GALNT13: variants seen among roughly 807,000 people sequenced by gnomAD.
The protein encoded by GALNT13 is polypeptide N-acetylgalactosaminyltransferase 13.
A neutral mutation model predicts 64.2 loss-of-function variants in GALNT13; 28 were observed. The observed-to-expected ratio is 0.44, with a 90% confidence interval of 0.32 to 0.60. The LOEUF (loss-of-function observed/expected upper bound fraction) is 0.60, where lower values mean the gene tolerates loss of function less well. GALNT13 is among the 20% of genes least tolerant of loss of function. The pLI is 0.05. For synonymous variants in GALNT13, 214 were observed against 224.6 expected (o/e 0.95, Z 0.42); for missense variants, 577 against 669.8 (o/e 0.86, Z 1.53).
chr2:153,074,782 C>T, the GALNT13 span, among the ~76,000 whole-genome samples: 3 of 152,114 alleles, frequency 2.0e-5, no homozygotes, highest in Admixed American at 2.0e-4. Context: ...CTCTGTCACC[C>T]AGAGTGCAGT....
chr2:153,753,994 C>T, the GALNT13 span, among the ~76,000 whole-genome samples: 109 of 152,242 alleles, frequency 7.2e-4, no homozygotes, highest in Non-Finnish European at 1.3e-3. Flanking sequence ...TGGCCTATGC[C>T]ACCACAATTC....
chr2:153,154,740 T>A, the GALNT13 span, among the ~76,000 whole-genome samples: 1 of 152,160 alleles, frequency 6.6e-6, no homozygotes, highest in Admixed American at 6.5e-5. Flanking sequence ...CTTGCCTGAT[T>A]GCCCTGGCCA....
chr2:153,437,398 A>G, the GALNT13 span, among the ~76,000 whole-genome samples: 34 of 152,170 alleles, frequency 2.2e-4, 1 homozygote, highest in Middle Eastern at 3.4e-3. Flanking sequence ...TTTCTGTCTC[A>G]TTGATCTGTC....
the GALNT13 span, among the ~76,000 whole-genome samples, chr2:153,098,196 T>C: frequency 6.6e-6 from 1 of 152,234 alleles, no homozygotes; most frequent in East Asian, 1.9e-4. Flanking sequence ...TCAGTGTTTT[T>C]CTGGTTATGT....
chr2:153,630,120 C>T, the GALNT13 span, among the ~76,000 whole-genome samples: 176 of 150,788 alleles, frequency 1.2e-3, no homozygotes, highest in African/African-American at 4.1e-3. Flanking sequence ...ACTAGAAATA[C>T]CATTTGACCC....
chr2:154,263,211 C>T (rs1342300167), intron 8 of GALNT13, among the ~76,000 whole-genome samples: 2 of 152,204 alleles, frequency 1.3e-5, no homozygotes, highest in Admixed American at 1.3e-4. Flanking sequence ...CAACACCCAG[C>T]TCTGGCACTT....
intron 11 of GALNT13, among the ~76,000 whole-genome samples, chr2:154,421,887 A>C (rs375786488): frequency 6.6e-6 from 1 of 152,072 alleles, no homozygotes; most frequent in Non-Finnish European, 1.5e-5. Context: ...ACTCAATCTC[A>C]TAGGGAATAC....
At chr2:154,225,132 A>ATAGG (rs780251474) in intron 4 of GALNT13, among the ~76,000 whole-genome samples, 2 of 142,246 alleles carry the variant, frequency 1.4e-5, no homozygotes, top group African/African-American at 5.2e-5. Context: ...AGATAGATAG[A>ATAGG]TAGATAGATA....
At chr2:153,278,015 C>T in the GALNT13 span, among the ~76,000 whole-genome samples, 13 of 142,220 alleles carry the variant, frequency 9.1e-5, no homozygotes, top group Non-Finnish European at 1.8e-4. Flanking sequence ...CAAGCTCTGC[C>T]TCCCAGGTTC....
At position 154,354,211 on chromosome 2, in the gene GALNT13, T is replaced by C. The variant is rs958025554; in HGVS notation, c.1157-41780T>C. On this transcript the variant is annotated intron_variant, in intron 9 of 12. Transcript: ENST00000392825. ...CATTTTTATATCTTCTTTGGAGAAA[T>C]TTCTGTTCAGGTCTTTTGCACATTT... 2.0e-5 allele frequency among the ~76,000 whole-genome samples: 3 copies of C among 152,148 alleles called. No individual in the cohort carries two copies. The East Asian group carries it at 5.8e-4, about 29-fold the overall frequency.
chr2:153,185,885 A>G, the GALNT13 span, among the ~76,000 whole-genome samples: 6 of 151,996 alleles, frequency 3.9e-5, no homozygotes, highest in Admixed American at 6.6e-5. Context: ...CAATTATGTG[A>G]TCGATTTTAG....
chr2:154,322,752 G>T (rs1298787996), intron 9 of GALNT13, among the ~76,000 whole-genome samples: 1 of 151,986 alleles, frequency 6.6e-6, no homozygotes, highest in Non-Finnish European at 1.5e-5. Flanking sequence ...TTATTATATG[G>T]CAGGATTCTG....
the GALNT13 span, among the ~76,000 whole-genome samples, chr2:153,228,719 A>G: frequency 6.6e-6 from 1 of 152,018 alleles, no homozygotes; most frequent in East Asian, 1.9e-4. Context: ...CTAAAAGTAC[A>G]AAAGTTAGCT....
intron 3 of GALNT13, among the ~76,000 whole-genome samples, chr2:154,029,203 A>T (rs63305860): frequency 6.9e-6 from 1 of 143,898 alleles, no homozygotes; most frequent in Admixed American, 6.9e-5. Flanking sequence ...AAAAAAAAAA[A>T]AGATCGTCTA....
the GALNT13 span, among the ~76,000 whole-genome samples, chr2:153,458,486 C>A: frequency 6.6e-6 from 1 of 152,144 alleles, no homozygotes; most frequent in Non-Finnish European, 1.5e-5. Context: ...CCCACTCTTT[C>A]TTTTTCCCTC....
At chr2:153,195,216 C>A in the GALNT13 span, among the ~76,000 whole-genome samples, 24,923 of 152,000 alleles carry the variant, frequency 0.16, 2,180 homozygotes, top group African/African-American at 0.18. Flanking sequence ...TTGGGTGTCA[C>A]TTCTCTGGCT....
the GALNT13 span, among the ~76,000 whole-genome samples, chr2:153,474,852 G>T: frequency 6.7e-6 from 1 of 150,256 alleles, no homozygotes; most frequent in African/African-American, 2.5e-5. Context: ...TGACCAAATG[G>T]TGGACTTCAG....
chr2:153,302,791 G>A, the GALNT13 span, among the ~76,000 whole-genome samples: 154 of 152,178 alleles, frequency 1.0e-3, 1 homozygote, highest in African/African-American at 3.6e-3. Context: ...ACCATTTATT[G>A]AAGAGCTTAT....
the GALNT13 span, among the ~76,000 whole-genome samples, chr2:153,675,143 C>T: frequency 6.6e-6 from 1 of 152,162 alleles, no homozygotes; most frequent in Non-Finnish European, 1.5e-5. Flanking sequence ...TGTGGTGATT[C>T]CTCAAGTATC....
Sources: gnomAD v4.1 joint callset for allele counts (sites outside exome capture counted in the v4.1 genomes callset) on GRCh38, gnomAD v4.1.1 for gene constraint, MANE v1.5 for transcripts, NCBI Gene and HGNC (gene_info 2026-07-23, HGNC 2026-07-21) for gene names.